Variants in CAMTA1 observed in about 807,000 individuals in gnomAD.
CAMTA1 encodes the protein calmodulin binding transcription activator 1.
A neutral mutation model predicts 170.9 loss-of-function variants in CAMTA1; 27 were observed. That is an observed-to-expected ratio of 0.16 (90% CI 0.12 to 0.22). The LOEUF is 0.22. Ranked by LOEUF, CAMTA1 falls within the 10% of genes least tolerant of loss-of-function variation. The pLI is 1.00. For missense variants in CAMTA1, 1,619 were observed against 2,217.2 expected (o/e 0.73, Z 5.42); for synonymous variants, 833 against 891.5 (o/e 0.93, Z 1.17).
intron 3 of CAMTA1, among the ~76,000 whole-genome samples, chr1:7,077,356 C>T (rs549521779): frequency 2.0e-5 from 3 of 149,126 alleles, no homozygotes; most frequent in Non-Finnish European, 3.0e-5. Flanking sequence ...TGATTTCATT[C>T]TCAGTTTTGT....
At chr1:7,492,850 AAC>A (rs1194709981) in intron 6 of CAMTA1, among the ~76,000 whole-genome samples, 7 of 145,044 alleles carry the variant, frequency 4.8e-5, no homozygotes, top group East Asian at 4.1e-4. Flanking sequence ...CACACGCACA[AAC>A]ACAAACCTAC....
intron 4 of CAMTA1, among the ~76,000 whole-genome samples, chr1:7,147,871 ACACACACAAACTCAAACATATACCAT>A (rs1646316558): frequency 6.7e-6 from 1 of 148,884 alleles, no homozygotes; most frequent in African/African-American, 2.4e-5. Flanking sequence ...TACACCATGC[ACACACACAAACTCAAACATATACCAT>A]GCACACACAC....
In CAMTA1 at chr1:7,588,453, C is replaced by G. The variant is rs1203051189; in HGVS notation, c.511-51947C>G. On this transcript the variant is annotated intron_variant, in intron 6 of 22. Coordinates refer to ENST00000303635, the MANE Select transcript of CAMTA1 (RefSeq NM_015215.4). The surrounding 1 kb of genome is among the most constrained non-coding windows in gnomAD (Gnocchi z 5.8). ...ACTACACTAACGCCTCTGCAAGCAT[C>G]GTTTTATCAAAACCCTCACCATTGC... Among the ~76,000 whole-genome samples, 1 of 152,218 alleles carries G rather than the reference C, an allele frequency of 6.6e-6. No homozygotes were observed.
chr1:7,304,515 G>A (rs997525224), intron 5 of CAMTA1, among the ~76,000 whole-genome samples: 7 of 151,552 alleles, frequency 4.6e-5, no homozygotes, highest in African/African-American at 1.7e-4. Flanking sequence ...TCCATAGATG[G>A]TAAATTAAAT....
At chr1:6,944,086 A>G (rs986527345) in intron 3 of CAMTA1, among the ~76,000 whole-genome samples, 17 of 151,600 alleles carry the variant, frequency 1.1e-4, no homozygotes, top group Non-Finnish European at 1.0e-4. Context: ...TGTGAGTCTG[A>G]CTCCTTTTAG....
chr1:6,870,529 TAATAA>T (rs1668115600), intron 3 of CAMTA1, among the ~76,000 whole-genome samples: 2 of 152,372 alleles, frequency 1.3e-5, no homozygotes, highest in African/African-American at 4.8e-5. Context: ...CTGTTTCTTT[TAATAA>T]AATCCTTTTG....
At chr1:7,655,590 CCCTATACACACA>C (rs1436537897) in intron 7 of CAMTA1, among the ~76,000 whole-genome samples, 2,620 of 87,128 alleles carry the variant, frequency 0.03, 60 homozygotes, top group African/African-American at 0.082. Flanking sequence ...ACACAAACAC[CCCTATACACACA>C]CCTATACACA....
chr1:6,989,664 C>G (rs778438127), intron 3 of CAMTA1, among the ~76,000 whole-genome samples: 2 of 152,146 alleles, frequency 1.3e-5, no homozygotes, highest in Non-Finnish European at 2.9e-5. Context: ...TGTCTTCCCC[C>G]ACGTCACTGG....
chr1:7,069,951 GGT>G (rs1638388528), intron 3 of CAMTA1, among the ~76,000 whole-genome samples: 1 of 152,258 alleles, frequency 6.6e-6, no homozygotes, highest in African/African-American at 2.4e-5. Flanking sequence ...AGGCCATCTT[GGT>G]TAATGAGAGC....
intron 1 of CAMTA1, among the ~76,000 whole-genome samples, chr1:6,787,709 C>G (rs114340017): frequency 0.036 from 5,479 of 152,318 alleles, 138 homozygotes; most frequent in Non-Finnish European, 0.055. Flanking sequence ...GTGTACTGTA[C>G]TGAATAAGCA....
chr1:6,913,033 T>G (rs1680047991), intron 3 of CAMTA1, among the ~76,000 whole-genome samples: 1 of 152,182 alleles, frequency 6.6e-6, no homozygotes, highest in East Asian at 1.9e-4. Flanking sequence ...CAGGCTGCCA[T>G]CAGCATGCCG....
At chr1:6,818,673 C>G (rs528149685) in intron 1 of CAMTA1, among the ~76,000 whole-genome samples, 1 of 152,262 alleles carries the variant, frequency 6.6e-6, no homozygotes, top group East Asian at 1.9e-4. Context: ...GGGTTTCACT[C>G]TGTCATCCAG....
intron 4 of CAMTA1, among the ~76,000 whole-genome samples, chr1:7,157,480 A>G (rs939892722): frequency 6.6e-6 from 1 of 152,194 alleles, no homozygotes; most frequent in Non-Finnish European, 1.5e-5. Flanking sequence ...GCAAATGGAA[A>G]CTGAAACCAG....
At chr1:7,437,491 C>T (rs939307382) in intron 5 of CAMTA1, among the ~76,000 whole-genome samples, 12 of 152,150 alleles carry the variant, frequency 7.9e-5, no homozygotes, top group Admixed American at 1.3e-4. Context: ...CACTCCCTGC[C>T]GTGTAAGGAC....
chr1:7,185,823 C>T (rs1258940851), intron 4 of CAMTA1, among the ~76,000 whole-genome samples: 1 of 152,138 alleles, frequency 6.6e-6, no homozygotes, highest in East Asian at 1.9e-4. Context: ...TTGGCCTGTA[C>T]TCCAAGAAAA....
At chr1:7,749,921 A>C (rs2096883911) in intron 19 of CAMTA1, 1 of 377,212 alleles carries the variant, frequency 2.7e-6, no homozygotes, top group African/African-American at 2.1e-5. Context: ...TTGCCAGGCC[A>C]CCTAAGCACA....
chr1:7,394,811 T>TTGTG (rs61154098), intron 5 of CAMTA1, among the ~76,000 whole-genome samples: 2,653 of 147,500 alleles, frequency 0.018, 54 homozygotes, highest in African/African-American at 0.048. Context: ...TTTCTTGTAG[T>TTGTG]TGTGTGTGTG....
rs1442034718 is a variant in CAMTA1, at chr1:6,970,398, G to A, written c.235-120906G>A. 2.0e-5 allele frequency among the ~76,000 whole-genome samples: 3 copies of A among 152,142 alleles called. No homozygotes were observed. Among genetic ancestry groups the A allele is most frequent in the Non-Finnish European group, 2.9e-5 (2 of 68,030 alleles). On this transcript the variant is annotated intron_variant, in intron 3 of 22. Transcript: ENST00000303635. This position sits in a 1 kb window ranked among gnomAD's most constrained non-coding sequence, Gnocchi z 4.4. The stretch of plus-strand genomic sequence containing the variant: ...GCTCACAGACAGCATTCCAGGAGGC[G>A]GAATGGGTGGCAGGGAGTGGGAGGC...
intron 4 of CAMTA1, among the ~76,000 whole-genome samples, chr1:7,103,254 G>A (rs1209295187): frequency 1.3e-5 from 2 of 152,056 alleles, no homozygotes; most frequent in East Asian, 1.9e-4. Context: ...GAAAGAACCC[G>A]GGAGTGCTCA....
Sources: allele counts gnomAD v4.1 joint callset (sites outside exome capture counted in the v4.1 genomes callset), GRCh38; gene constraint gnomAD v4.1.1; non-coding constraint Gnocchi (gnomAD v3.1); transcripts MANE v1.5; gene names NCBI Gene and HGNC (gene_info 2026-07-23, HGNC 2026-07-21).